Variants in GORASP1 observed in about 807,000 individuals in gnomAD.
GORASP1 encodes golgi reassembly stacking protein 1.
In GORASP1, 31 loss-of-function variants were observed where a neutral mutation model predicts 37.7. The observed-to-expected ratio is 0.82, with a 90% CI of 0.62 to 1.11. GORASP1 has a LOEUF of 1.11. Ranked by LOEUF, GORASP1 falls within the 50% of genes least tolerant of loss-of-function variation. The pLI, the probability that GORASP1 is intolerant of heterozygous loss-of-function variation, is 0.00. For missense variants in GORASP1, 476 were observed against 560.7 expected (o/e 0.85, Z 1.53); for synonymous variants, 204 against 224.8 (o/e 0.91, Z 0.83).
At chr3:39,099,069 G>T in intron 7 of GORASP1, 176 bp from the exon 8 acceptor site, 1 of 863,136 alleles carries the variant, frequency 1.2e-6, no homozygotes. Flanking sequence ...CTGTTTCTGA[G>T]GAAAGAAAGG....
At chr3:39,106,481 G>C (rs890384965) in intron 1 of GORASP1, among the ~76,000 whole-genome samples, 4 of 152,156 alleles carry the variant, frequency 2.6e-5, no homozygotes, top group Admixed American at 2.6e-4. Context: ...CACAAATCCT[G>C]TCAACTCTGG....
At position 39,098,110 on chromosome 3, in the gene GORASP1, C is replaced by T; in HGVS notation, c.*126G>A. The T allele has an allele frequency of 1.7e-6, 2 of 1,158,556 alleles. No homozygotes were observed. Among genetic ancestry groups the T allele is most frequent in the East Asian group, 2.4e-5 (1 of 42,084 alleles). The allele number at this position is 1,158,556 out of a possible 1,614,324, so 71.8% of individuals were successfully genotyped here. On this transcript the variant is annotated 3_prime_UTR_variant, in exon 9 of 9. Transcript: ENST00000319283. This position sits in a 1 kb window ranked among gnomAD's most constrained non-coding sequence, Gnocchi z 4.7. ...CACAAGGCCCATGGCCCCCTCTCAC[C>T]ACCCACTGAGGCCTCATGTCCCACC...
Position 39,107,517 on chromosome 3 carries a change from G to A in GORASP1, c.25C>T (p.Gln9Ter). 6.7e-7 allele frequency: 1 copy of A among 1,493,704 alleles called. No individual in the cohort carries two copies. Among genetic ancestry groups the A allele is most frequent in the Non-Finnish European group, 8.8e-7 (1 of 1,132,462 alleles). 92.5% of individuals were successfully genotyped at this position (1,493,704 alleles called of 1,614,324 possible). A position where few individuals can be genotyped will look rare whatever the true frequency, so the allele number is the denominator to read the frequency against. The change falls in exon 1 of 9, where the codon CAG (glutamine) becomes TAG (stop). Residue 9 changes from glutamine (Q) to a stop codon, truncating the protein, a stop_gained. Coordinates refer to ENST00000319283, the MANE Select transcript of GORASP1 (RefSeq NM_031899.4). LOFTEE classifies it high-confidence loss of function. MGLGVSAE[Q>*]PAGGAEGFHL... is the part of the protein sequence containing the mutation. Reference sequence around the variant, plus strand: ...AAGCCCTCGGCGCCGCCTGCGGGCTGCTCAGCGCTGACGCCCAGGCCCATG... The same window carrying A: ...AAGCCCTCGGCGCCGCCTGCGGGCTACTCAGCGCTGACGCCCAGGCCCATG...
rs2036251259 is a variant in GORASP1 at position 39,107,326 on chromosome 3, G to A, written c.63+153C>T. On this transcript the variant is annotated intron_variant, in intron 1 of 8. Transcript: ENST00000319283. ...TCCCGCGAGGCCGCCTCTCCCAGGAGGCTCCCACCGGGCAGGGGGCACCTC... is the reference window on the plus strand; with the variant it reads ...TCCCGCGAGGCCGCCTCTCCCAGGAAGCTCCCACCGGGCAGGGGGCACCTC... The A allele has an allele frequency of 2.9e-5, 14 of 486,738 alleles. No homozygotes were observed. The Middle Eastern group carries it at 3.1e-3, about 109-fold the overall frequency. The allele number at this position is 486,738 out of a possible 1,614,324, so 30.2% of individuals were successfully genotyped here.
rs1042515289 is a variant in GORASP1 at position 39,097,051 on chromosome 3, A to T, written c.*1185T>A. 7 of 152,400 alleles carry T rather than the reference A, an allele frequency of 4.6e-5. No individual in the cohort carries two copies. Among genetic ancestry groups the T allele is most frequent in the African/African-American group, 1.2e-4 (5 of 41,592 alleles). The allele number at this position is 152,400 out of a possible 1,614,324, so 9.4% of individuals were successfully genotyped here. On this transcript the variant is annotated 3_prime_UTR_variant, in exon 9 of 9. Transcript: ENST00000319283. ...CTTGACAAGGGTTTGCTTTAAATGA[A>T]GGGTTTGCTAATTTGGGACCCTCCC...
At chr3:39,099,135 T>C in intron 7 of GORASP1, 1 of 780,146 alleles carries the variant, frequency 1.3e-6, no homozygotes, top group Non-Finnish European at 2.2e-6. Context: ...TAGACTCTGC[T>C]CTGTGTCCAA....
chr3:39,102,969 C>T lies in GORASP1; in HGVS notation c.145-88G>A. 8.1e-7 allele frequency: 1 copy of T among 1,235,726 alleles called. No individual in the cohort carries two copies. 76.5% of individuals were successfully genotyped at this position (1,235,726 alleles called of 1,614,324 possible). On this transcript the variant is annotated intron_variant, in intron 2 of 8. Transcript: ENST00000319283. This position sits in a 1 kb window ranked among gnomAD's most constrained non-coding sequence, Gnocchi z 5.0. The stretch of plus-strand genomic sequence containing the variant: ...GTCTGGGCCTGAGATGGGGCAAGGG[C>T]CTTAGTGGGCAGCAGCCCTCAGCAG...
chr3:39,100,227 G>A lies in GORASP1; in HGVS notation c.765+78C>T, dbSNP rs2035607038. 1.5e-6 allele frequency: 2 copies of A among 1,291,298 alleles called. No individual in the cohort carries two copies. Among genetic ancestry groups the A allele is most frequent in the Non-Finnish European group, 2.2e-6 (2 of 891,228 alleles). 80.0% of individuals were successfully genotyped at this position (1,291,298 alleles called of 1,614,324 possible). A position where few individuals can be genotyped will look rare whatever the true frequency, so the allele number is the denominator to read the frequency against. ...GCCTCTCAGATCACAAAGGCCCCTGGTGAGGGTTGCTGATGGCTCCCCAAG... is the reference window on the plus strand; with the variant it reads ...GCCTCTCAGATCACAAAGGCCCCTGATGAGGGTTGCTGATGGCTCCCCAAG... On this transcript the variant is annotated intron_variant, in intron 6 of 8. Coordinates refer to ENST00000319283, the MANE Select transcript of GORASP1 (RefSeq NM_031899.4). This position sits in a 1 kb window ranked among gnomAD's most constrained non-coding sequence, Gnocchi z 4.6.
chr3:39,099,972 C>G (rs920699341), intron 6 of GORASP1, among the ~76,000 whole-genome samples: 2 of 152,230 alleles, frequency 1.3e-5, no homozygotes, highest in African/African-American at 4.8e-5. Context: ...GCTAGACAAC[C>G]ATCCCAACTG....
chr3:39,098,387 C>G lies in GORASP1; in HGVS notation c.1172G>C (p.Ser391Thr). The change falls in exon 9 of 9, where the codon AGT becomes ACT. Residue 391 changes from serine to threonine, a missense_variant. Coordinates refer to ENST00000319283, the MANE Select transcript of GORASP1 (RefSeq NM_031899.4). This position sits in a 1 kb window ranked among gnomAD's most constrained non-coding sequence, Gnocchi z 4.7. ...TTCTGGTGAGGCTGCAGAGGTGAGACTGTCAGGAAGAGTCAGCTGAGGCAG... is the reference window on the plus strand; with the variant it reads ...TTCTGGTGAGGCTGCAGAGGTGAGAGTGTCAGGAAGAGTCAGCTGAGGCAG... ...DHLPQLTLPDSLTSAASPEDG... is the reference protein window; with the variant it reads ...DHLPQLTLPDTLTSAASPEDG... 1.2e-6 allele frequency: 2 copies of G among 1,614,162 alleles called. No individual in the cohort carries two copies. The highest frequency in any genetic ancestry group is 1.7e-6 in the Non-Finnish European group (2 of 1,180,038).
rs2035863939 is a variant in GORASP1, at chr3:39,103,702, C to T, written c.64-149G>A. 1.9e-6 allele frequency: 1 copy of T among 525,492 alleles called. No individual in the cohort carries two copies. 32.6% of individuals were successfully genotyped at this position (525,492 alleles called of 1,614,324 possible). A position where few individuals can be genotyped will look rare whatever the true frequency, so the allele number is the denominator to read the frequency against. ...CTGTTCCGGACATTCTCAGGGTTCA[C>T]TCCATGGCCTCTTGCTACCTTCCTG... On this transcript the variant is annotated intron_variant, in intron 1 of 8. Coordinates refer to ENST00000319283, the MANE Select transcript of GORASP1 (RefSeq NM_031899.4). The surrounding 1 kb of genome is among the most constrained non-coding windows in gnomAD (Gnocchi z 5.2).
chr3:39,101,677 G>A (rs1423216443), intron 3 of GORASP1: 1 of 425,150 alleles, frequency 2.4e-6, no homozygotes, highest in Non-Finnish European at 4.7e-6. Flanking sequence ...CCTGGGAAAT[G>A]CAAAGCAATT....
rs570291266 is a variant in GORASP1, at chr3:39,098,148, A to G, written c.*88T>C. 4.1e-6 allele frequency: 6 copies of G among 1,473,614 alleles called. No individual in the cohort carries two copies. In the Admixed American group the frequency reaches 5.8e-5, roughly 14 times the overall value. 91.3% of individuals were successfully genotyped at this position (1,473,614 alleles called of 1,614,324 possible). Reference sequence around the variant, plus strand: ...CTCATGTCCCACCAAAGCAGCAAGGAATCCTGACCGCATAGTGCAGCCCGG... The same window carrying G: ...CTCATGTCCCACCAAAGCAGCAAGGGATCCTGACCGCATAGTGCAGCCCGG... On this transcript the variant is annotated 3_prime_UTR_variant, in exon 9 of 9. Coordinates refer to ENST00000319283, the MANE Select transcript of GORASP1 (RefSeq NM_031899.4). The surrounding 1 kb of genome is among the most constrained non-coding windows in gnomAD (Gnocchi z 4.7).
At chr3:39,099,799 AC>A (rs2035581498) in intron 6 of GORASP1, among the ~76,000 whole-genome samples, 1 of 151,994 alleles carries the variant, frequency 6.6e-6, no homozygotes, top group Non-Finnish European at 1.5e-5. Flanking sequence ...CCCATCAATG[AC>A]TCATTAGAAG....
Position 39,100,687 on chromosome 3 carries a change from C to G in GORASP1, c.566+60G>C. 2.5e-6 allele frequency: 4 copies of G among 1,594,372 alleles called. No individual in the cohort carries two copies. Among genetic ancestry groups the G allele is most frequent in the Non-Finnish European group, 3.4e-6 (4 of 1,170,340 alleles). On this transcript the variant is annotated intron_variant, in intron 5 of 8. Coordinates refer to ENST00000319283, the MANE Select transcript of GORASP1 (RefSeq NM_031899.4). This position sits in a 1 kb window ranked among gnomAD's most constrained non-coding sequence, Gnocchi z 4.6. Reference sequence around the variant, plus strand: ...ATCTCCACCATAGAACTCTGAGGTCCATGCCCAATGGTCAGGCCCCACCCA... The same window carrying G: ...ATCTCCACCATAGAACTCTGAGGTCGATGCCCAATGGTCAGGCCCCACCCA...
intron 1 of GORASP1, chr3:39,106,970 C>T (rs2036187197): frequency 2.4e-6 from 1 of 422,442 alleles, no homozygotes; most frequent in African/African-American, 2.0e-5. Flanking sequence ...GTCCTCTACC[C>T]TCGGAAGCCC....
At position 39,102,879 on chromosome 3, in the gene GORASP1, G is replaced by A. The variant is rs1169842957; in HGVS notation, c.147C>T (p.Asn49=). 2 of 1,614,082 alleles carry A rather than the reference G, an allele frequency of 1.2e-6. No homozygotes were observed. The highest frequency in any genetic ancestry group is 1.7e-6 in the Non-Finnish European group (2 of 1,179,966). Reference sequence around the variant, plus strand: ...GTGCCTTCAGGGTGTCATTCTCCTTGTTCTGTGGGGGCAATGGGGCTGACT... The same window carrying A: ...GTGCCTTCAGGGTGTCATTCTCCTTATTCTGTGGGGGCAATGGGGCTGACT... ...FIITIGHSRL[N]KENDTLKALL... is the part of the protein sequence containing the mutation. Residue 49 remains asparagine (N), a splice_region_variant and synonymous_variant, in exon 3 of 9, where the codon AAC becomes AAT. Coordinates refer to ENST00000319283, the MANE Select transcript of GORASP1 (RefSeq NM_031899.4). The surrounding 1 kb of genome is among the most constrained non-coding windows in gnomAD (Gnocchi z 5.0).
At position 39,100,929 on chromosome 3, in the gene GORASP1, C is replaced by T. The variant is rs774852200; in HGVS notation, c.436-52G>A. 6.2e-7 allele frequency: 1 copy of T among 1,613,848 alleles called. No individual in the cohort carries two copies. Among genetic ancestry groups the T allele is most frequent in the Non-Finnish European group, 8.5e-7 (1 of 1,179,728 alleles). ...CCTGCTTCCAGGGCTAAAGCCTCAA[C>T]AAAACCAGACACTTCTCATGGACAG... On this transcript the variant is annotated intron_variant, in intron 4 of 8. Transcript: ENST00000319283. This position sits in a 1 kb window ranked among gnomAD's most constrained non-coding sequence, Gnocchi z 4.6.
At position 39,105,795 on chromosome 3, in the gene GORASP1, C is replaced by T. The variant is rs142431077; in HGVS notation, c.63+1684G>A. Among the ~76,000 whole-genome samples, 85 of 152,308 alleles carry T rather than the reference C, an allele frequency of 5.6e-4. No individual in the cohort carries two copies. The highest frequency in any genetic ancestry group is 1.2e-3 in the Admixed American group (19 of 15,310). The stretch of plus-strand genomic sequence containing the variant: ...CTTCAGGACAACAGGCAAGGTCCTA[C>T]ACGGTCTGCTCTGGTCTCCTCCTCA... On this transcript the variant is annotated intron_variant, in intron 1 of 8. Transcript: ENST00000319283. The surrounding 1 kb of genome is among the most constrained non-coding windows in gnomAD (Gnocchi z 5.4).
Sources: gnomAD v4.1 joint callset for allele counts (sites outside exome capture counted in the v4.1 genomes callset) on GRCh38, gnomAD v4.1.1 for gene constraint, Gnocchi (gnomAD v3.1) non-coding constraint, MANE v1.5 for transcripts, NCBI Gene and HGNC (gene_info 2026-07-23, HGNC 2026-07-21) for gene names.